TRPC3: variants seen among roughly 807,000 people sequenced by gnomAD.
The protein encoded by TRPC3 is transient receptor potential cation channel subfamily C member 3.
TRPC3 carries 54 observed loss-of-function variants against 90.9 expected under a neutral mutation model. That is an observed-to-expected ratio of 0.59 (90% CI 0.48 to 0.75). TRPC3 has a LOEUF of 0.75. Among genes scored for constraint, TRPC3 ranks in the 30% least tolerant of loss-of-function variants. TRPC3 has a pLI of 0.00. For synonymous variants in TRPC3, 424 were observed against 450.9 expected (o/e 0.94, Z 0.75); for missense variants, 918 against 1,194.5 (o/e 0.77, Z 3.41).
At chr4:121,880,998 T>C (rs1457381538) in intron 11 of TRPC3, among the ~76,000 whole-genome samples, 2 of 151,238 alleles carry the variant, frequency 1.3e-5, no homozygotes, top group African/African-American at 4.9e-5. Context: ...TATGGCAATA[T>C]AAAAGGAATA....
intron 7 of TRPC3, among the ~76,000 whole-genome samples, chr4:121,906,212 C>A (rs1422248288): frequency 2.0e-5 from 3 of 152,014 alleles, no homozygotes; most frequent in South Asian, 4.1e-4. Flanking sequence ...GGAACTTAAC[C>A]AAAAGCCACA....
intron 1 of TRPC3, among the ~76,000 whole-genome samples, chr4:121,939,718 C>A (rs1730240732): frequency 6.6e-6 from 1 of 152,200 alleles, no homozygotes; most frequent in Admixed American, 6.5e-5. Context: ...GTTGCAGGTG[C>A]TGGGATTTGT....
intron 3 of TRPC3, among the ~76,000 whole-genome samples, chr4:121,919,741 T>C (rs1298583700): frequency 6.6e-6 from 1 of 152,226 alleles, no homozygotes; most frequent in Admixed American, 6.5e-5. Flanking sequence ...ATGGCTTTTC[T>C]ACATTTAAAT....
intron 1 of TRPC3, among the ~76,000 whole-genome samples, chr4:121,949,746 A>G (rs144913678): frequency 1.3e-3 from 201 of 152,294 alleles, no homozygotes; most frequent in Non-Finnish European, 2.5e-3. Flanking sequence ...ATACCACAAC[A>G]TTTACTTGCT....
At chr4:121,910,553 G>A (rs1489023147) in intron 5 of TRPC3, among the ~76,000 whole-genome samples, 166 bp from the exon 6 acceptor site, 1 of 152,160 alleles carries the variant, frequency 6.6e-6, no homozygotes, top group African/African-American at 2.4e-5. Context: ...GCCCTGTGCA[G>A]AGTTAAATGG....
chr4:121,901,559 C>A (rs1280924385), intron 9 of TRPC3, among the ~76,000 whole-genome samples: 1 of 152,252 alleles, frequency 6.6e-6, no homozygotes, highest in Non-Finnish European at 1.5e-5. Flanking sequence ...ACCTACCTCA[C>A]AGCGTTGCAT....
Position 121,910,287 on chromosome 4 carries a change from GA to G in TRPC3, c.1658del (p.Phe553SerfsTer10), listed in dbSNP as rs1729034125. The G allele has an allele frequency of 3.2e-5, 52 of 1,613,764 alleles. No homozygotes were observed. Among genetic ancestry groups the G allele is most frequent in the Non-Finnish European group, 4.4e-5 (52 of 1,179,848 alleles). ...NVLDFGMLSI[F>X]IAAFTARFLA... ...GGAATCTGGCTGTGAAAGCAGCAAT[GA>G]AGATGGACAGCATCCCAAAGTCAAG... is the stretch of plus-strand genomic sequence containing the variant. On this transcript the variant is annotated frameshift_variant, in exon 6 of 12. Coordinates refer to ENST00000379645, the MANE Select transcript of TRPC3 (RefSeq NM_001130698.2). LOFTEE classifies it high-confidence loss of function.
chr4:121,883,742 T>C (rs1383652206), intron 10 of TRPC3, among the ~76,000 whole-genome samples: 1 of 152,202 alleles, frequency 6.6e-6, no homozygotes, highest in Non-Finnish European at 1.5e-5. Context: ...TGATTTCTAT[T>C]AACAAAATTT....
intron 1 of TRPC3, among the ~76,000 whole-genome samples, chr4:121,937,609 ATTAAAGAG>A (rs1344429441): frequency 6.6e-6 from 1 of 151,756 alleles, no homozygotes; most frequent in African/African-American, 2.4e-5. Flanking sequence ...TTCAAAAACA[ATTAAAGAG>A]TTAAAGAGAT....
chr4:121,891,778 C>G (rs1267252457), intron 10 of TRPC3, among the ~76,000 whole-genome samples: 34 of 152,182 alleles, frequency 2.2e-4, no homozygotes, highest in Admixed American at 2.2e-3. Flanking sequence ...TATTTACCTT[C>G]CAACAATTTA....
At chr4:121,921,539 A>G (rs1371835836) in intron 3 of TRPC3, among the ~76,000 whole-genome samples, 1 of 151,536 alleles carries the variant, frequency 6.6e-6, no homozygotes, top group East Asian at 1.9e-4. Flanking sequence ...AAAAAAAAAA[A>G]AAAAAGACTT....
chr4:121,951,929 A>G lies in TRPC3; in HGVS notation c.-249T>C, dbSNP rs1011738677. 6.6e-6 allele frequency among the ~76,000 whole-genome samples: 1 copy of G among 151,770 alleles called. No homozygotes were observed. The highest frequency in any genetic ancestry group is 1.5e-5 in the Non-Finnish European group (1 of 67,958). The stretch of plus-strand genomic sequence containing the variant: ...AGCAGCTGCCGCGGCCGTGGCTGCG[A>G]CGAGGAAGCCCGGGGCCGAGCGGGG... On this transcript the variant is annotated 5_prime_UTR_variant, in exon 1 of 12. Transcript: ENST00000379645. This position sits in a 1 kb window ranked among gnomAD's most constrained non-coding sequence, Gnocchi z 4.4.
At chr4:121,899,742 G>T in intron 9 of TRPC3, 47 bp from the exon 10 acceptor site, 1 of 1,365,456 alleles carries the variant, frequency 7.3e-7, no homozygotes, top group Non-Finnish European at 1.0e-6. Flanking sequence ...ACATTCATTT[G>T]GAATAAAAAA....
chr4:121,948,691 G>C (rs1189228139), intron 1 of TRPC3, among the ~76,000 whole-genome samples: 2 of 152,070 alleles, frequency 1.3e-5, no homozygotes, highest in African/African-American at 4.8e-5. Context: ...CTGGCATTTT[G>C]GGGAAAGAGA....
intron 3 of TRPC3, among the ~76,000 whole-genome samples, chr4:121,922,325 TTACA>T (rs1352280725): frequency 6.6e-6 from 1 of 152,212 alleles, no homozygotes; most frequent in African/African-American, 2.4e-5. Context: ...AACAGAATTC[TTACA>T]TACATTTATT....
intron 1 of TRPC3, among the ~76,000 whole-genome samples, chr4:121,934,549 C>T (rs114637497): frequency 0.035 from 5,295 of 152,148 alleles, 305 homozygotes; most frequent in African/African-American, 0.12. Flanking sequence ...TAAAAGTGAA[C>T]GGCTAGAAAA....
Position 121,932,362 on chromosome 4 carries a change from T to G in TRPC3, c.896A>C (p.Tyr299Ser). The change falls in exon 2 of 12, where the codon TAC (tyrosine) becomes TCC (serine). Residue 299 changes from tyrosine (Y) to serine (S), a missense_variant. Around this residue, in one of 4 missense-constraint regions of TRPC3, gnomAD observed 609 missense variants for 725.9 expected, o/e 0.84. Coordinates refer to ENST00000379645, the MANE Select transcript of TRPC3 (RefSeq NM_001130698.2). This position sits in a 1 kb window ranked among gnomAD's most constrained non-coding sequence, Gnocchi z 7.7. ...NAYKGLASPA[Y>S]LSLSSEDPVL... ...CGGGTCCTCGCTGGACAATGAGAGG[T>G]AAGCCGGGCTGGCCAGCCCCTTGTA... 6.2e-7 allele frequency: 1 copy of G among 1,614,070 alleles called. No individual in the cohort carries two copies. The highest frequency in any genetic ancestry group is 1.3e-5 in the African/African-American group (1 of 75,010).
intron 4 of TRPC3, among the ~76,000 whole-genome samples, chr4:121,914,408 C>A (rs77313007): frequency 6.6e-6 from 1 of 152,238 alleles, no homozygotes; most frequent in Non-Finnish European, 1.5e-5. Flanking sequence ...GGTACTACTG[C>A]AGCAGTGCTC....
At chr4:121,907,278 C>A in intron 7 of TRPC3, 25 bp downstream of exon 7, 1 of 1,573,532 alleles carries the variant, frequency 6.4e-7, no homozygotes, top group Non-Finnish European at 8.6e-7. Context: ...TTTATCATAC[C>A]TGTATAATAA....
Sources: gnomAD v4.1 joint callset for allele counts (sites outside exome capture counted in the v4.1 genomes callset) on GRCh38, gnomAD v4.1.1 for gene constraint, gnomAD v4.1.1 regional missense constraint, Gnocchi (gnomAD v3.1) non-coding constraint, MANE v1.5 for transcripts, NCBI Gene and HGNC (gene_info 2026-07-23, HGNC 2026-07-21) for gene names.